SFXN5: variants seen among roughly 807,000 people sequenced by gnomAD.
SFXN5 encodes sideroflexin-5.
SFXN5 carries 43 observed loss-of-function variants against 50.2 expected under a neutral mutation model. The observed-to-expected ratio is 0.86, with a 90% CI of 0.67 to 1.11. The LOEUF is 1.11. SFXN5 is among the 50% of genes least tolerant of loss of function. SFXN5 has a pLI of 0.00. For missense variants in SFXN5, 463 were observed against 454.1 expected, an observed-to-expected ratio of 1.02 and a Z score of -0.18; for synonymous variants, 203 against 185.8, an observed-to-expected ratio of 1.09 and a Z score of -0.75.
chr2:73,046,186 ATTAC>A (rs1293935957), intron 2 of SFXN5, among the ~76,000 whole-genome samples: 1 of 152,162 alleles, frequency 6.6e-6, no homozygotes, highest in African/African-American at 2.4e-5. Context: ...AGGCAGGCAG[ATTAC>A]TTGAGGTCAG....
intron 3 of SFXN5, among the ~76,000 whole-genome samples, chr2:73,028,326 G>T (rs1454936160): frequency 6.6e-6 from 1 of 152,202 alleles, no homozygotes; most frequent in Non-Finnish European, 1.5e-5. Flanking sequence ...CAGCTCACAT[G>T]TGGTCCTGCC....
rs774715835 is a variant in SFXN5, at chr2:72,992,857, G to A, written c.535-4509C>T. On this transcript the variant is annotated intron_variant, in intron 9 of 13. Transcript: ENST00000272433. This position sits in a 1 kb window ranked among gnomAD's most constrained non-coding sequence, Gnocchi z 4.5. ...TTCGGTGACACTGGAGGAGCCACAC[G>A]GCCCTGCGGGACTGCCTGGCTTGCT... Among the ~76,000 whole-genome samples, 1 of 152,198 alleles carries A rather than the reference G, an allele frequency of 6.6e-6. No homozygotes were observed. The highest frequency in any genetic ancestry group is 1.5e-5 in the Non-Finnish European group (1 of 68,050).
intron 13 of SFXN5, among the ~76,000 whole-genome samples, chr2:72,949,476 T>C (rs1672298080): frequency 6.6e-6 from 1 of 152,214 alleles, no homozygotes. Flanking sequence ...GGCTAATTTT[T>C]AAATTATTTT....
At chr2:73,003,373 T>C (rs944633350) in intron 6 of SFXN5, among the ~76,000 whole-genome samples, 10 of 152,324 alleles carry the variant, frequency 6.6e-5, no homozygotes, top group Middle Eastern at 3.4e-3. Context: ...AGGAACATCG[T>C]AAGATACAGC....
chr2:73,033,521 G>C (rs1290702176), intron 3 of SFXN5, among the ~76,000 whole-genome samples: 2 of 152,194 alleles, frequency 1.3e-5, no homozygotes, highest in Non-Finnish European at 2.9e-5. Context: ...GATATTGGAG[G>C]AAACACTTGA....
At chr2:73,061,797 T>C (rs1225349051) in intron 1 of SFXN5, among the ~76,000 whole-genome samples, 2 of 152,110 alleles carry the variant, frequency 1.3e-5, no homozygotes, top group Non-Finnish European at 2.9e-5. Context: ...ACAGAAATGA[T>C]ATTACATTTA....
intron 2 of SFXN5, among the ~76,000 whole-genome samples, chr2:73,043,124 C>T (rs1679868224): frequency 6.6e-6 from 1 of 152,160 alleles, no homozygotes; most frequent in African/African-American, 2.4e-5. Flanking sequence ...AAACAGACAA[C>T]AGTGATAGAA....
intron 1 of SFXN5, among the ~76,000 whole-genome samples, chr2:73,067,094 C>T (rs1305539249): frequency 6.6e-6 from 1 of 152,046 alleles, no homozygotes; most frequent in Admixed American, 6.5e-5. Context: ...GTGTTAAGGA[C>T]ATGGTTATGT....
intron 3 of SFXN5, among the ~76,000 whole-genome samples, chr2:73,034,929 T>C (rs1031426413): frequency 6.6e-6 from 1 of 152,178 alleles, no homozygotes; most frequent in African/African-American, 2.4e-5. Flanking sequence ...CAGCTTTCTC[T>C]TTCTTGTCTC....
chr2:72,998,720 C>A (rs1465438017), intron 9 of SFXN5: 2 of 555,168 alleles, frequency 3.6e-6, no homozygotes, highest in Non-Finnish European at 6.4e-6. Context: ...TGCCCCCAGG[C>A]ACAACCTCAC....
At position 72,971,504 on chromosome 2, in the gene SFXN5, G is replaced by A. The variant is rs1675165691; in HGVS notation, c.741+66C>T. 15 of 1,181,182 alleles carry A rather than the reference G, an allele frequency of 1.3e-5. No individual in the cohort carries two copies. The Middle Eastern group carries it at 8.2e-4, about 65-fold the overall frequency. The allele number at this position is 1,181,182 out of a possible 1,614,324, so 73.2% of individuals were successfully genotyped here. A position where few individuals can be genotyped will look rare whatever the true frequency, so the allele number is the denominator to read the frequency against. On this transcript the variant is annotated intron_variant, in intron 11 of 13. Transcript: ENST00000272433. ...GGATAGAAGCCTGTGGAAGACACAC[G>A]CTAAAGGAAAACCACTCCCCTCCCC...
intron 2 of SFXN5, among the ~76,000 whole-genome samples, chr2:73,052,711 A>C (rs1353764603): frequency 1.3e-5 from 2 of 152,222 alleles, no homozygotes; most frequent in African/African-American, 4.8e-5. Context: ...CATAATTAAG[A>C]GTAATTCAGA....
At chr2:72,958,110 G>T (rs1216736284) in intron 13 of SFXN5, among the ~76,000 whole-genome samples, 1 of 152,140 alleles carries the variant, frequency 6.6e-6, no homozygotes, top group East Asian at 1.9e-4. Flanking sequence ...CAGAGCTGGA[G>T]GCCTGGGTGG....
chr2:72,954,706 G>A (rs1382809544), intron 13 of SFXN5, among the ~76,000 whole-genome samples: 4 of 152,202 alleles, frequency 2.6e-5, no homozygotes, highest in Admixed American at 6.5e-5. Flanking sequence ...CATAAGACAC[G>A]TTCCCAGGAA....
At chr2:73,047,275 T>TATATATATATATATATATATAC (rs1300799277) in intron 2 of SFXN5, among the ~76,000 whole-genome samples, 13 of 51,726 alleles carry the variant, frequency 2.5e-4, no homozygotes, top group East Asian at 5.6e-4. Flanking sequence ...TATATATATA[T>TATATATATATATATATATATAC]ACACACATAT....
At chr2:72,949,240 T>C (rs1225526767) in intron 13 of SFXN5, among the ~76,000 whole-genome samples, 3 of 152,158 alleles carry the variant, frequency 2.0e-5, no homozygotes, top group Non-Finnish European at 4.4e-5. Context: ...TCTTGTAGGC[T>C]ACATGAAGGT....
chr2:73,026,126 C>CTTTTT lies in SFXN5; in HGVS notation c.250-2917_250-2913dup, dbSNP rs759334127. ...CCAGTGGTCTAATGCTGTGTGGCTG[C>CTTTTT]TTTTTTTTTTTCTTTTTTTGAGACA... On this transcript the variant is annotated intron_variant, in intron 3 of 13. Transcript: ENST00000272433. Among the ~76,000 whole-genome samples the CTTTTT allele has an allele frequency of 6.7e-4, 90 of 133,732 alleles. 3 individuals are homozygous for CTTTTT. Among genetic ancestry groups the CTTTTT allele is most frequent in the East Asian group, 7.2e-4 (3 of 4,168 alleles). The allele number at this position is 133,732 out of a possible 152,430, so 87.7% of individuals were successfully genotyped here.
intron 10 of SFXN5, among the ~76,000 whole-genome samples, chr2:72,975,541 T>C (rs2105481334): frequency 6.6e-6 from 1 of 152,354 alleles, no homozygotes; most frequent in South Asian, 2.1e-4. Context: ...AATTCTACGA[T>C]GCACCTTCCC....
chr2:73,030,991 C>T (rs987689383), intron 3 of SFXN5, among the ~76,000 whole-genome samples: 4 of 151,494 alleles, frequency 2.6e-5, no homozygotes, highest in African/African-American at 9.8e-5. Context: ...CATATATTAC[C>T]TCCTCAAAAA....
Sources: allele counts gnomAD v4.1 joint callset (sites outside exome capture counted in the v4.1 genomes callset), GRCh38; gene constraint gnomAD v4.1.1; non-coding constraint Gnocchi (gnomAD v3.1); transcripts MANE v1.5; gene names NCBI Gene and HGNC (gene_info 2026-07-23, HGNC 2026-07-21).